Variants in TNFRSF9 observed in about 807,000 individuals in gnomAD.
TNFRSF9 encodes the protein tumor necrosis factor receptor superfamily member 9.
A neutral mutation model predicts 28.8 loss-of-function variants in TNFRSF9; 16 were observed. The ratio of observed to expected loss-of-function variants is 0.55; its 90% confidence interval spans 0.38 to 0.84. The LOEUF is 0.84. TNFRSF9 is among the 40% of genes least tolerant of loss of function. The pLI is 0.00. For synonymous variants in TNFRSF9, 131 were observed against 117.0 expected (o/e 1.12, Z -0.77); for missense variants, 303 against 315.0 (o/e 0.96, Z 0.29).
chr1:7,936,968 G>C (rs1639824416), intron 5 of TNFRSF9, among the ~76,000 whole-genome samples: 1 of 152,162 alleles, frequency 6.6e-6, no homozygotes, highest in Non-Finnish European at 1.5e-5. Context: ...GTATACTATT[G>C]GCTTTTTACC....
intron 7 of TNFRSF9, among the ~76,000 whole-genome samples, chr1:7,927,762 G>A (rs914891982): frequency 2.0e-5 from 3 of 151,048 alleles, no homozygotes; most frequent in East Asian, 1.9e-4. Flanking sequence ...TTGAGACCCA[G>A]GACTCAGTGA....
intron 7 of TNFRSF9, among the ~76,000 whole-genome samples, chr1:7,922,429 A>G (rs1003207380): frequency 6.6e-6 from 1 of 152,184 alleles, no homozygotes; most frequent in Non-Finnish European, 1.5e-5. Context: ...CAACATGGCA[A>G]TGGGTTTCTT....
Position 7,922,569 on chromosome 1 carries a change from T to C in TNFRSF9, c.680-1646A>G, listed in dbSNP as rs1639577898. Among the ~76,000 whole-genome samples, 3 of 152,282 alleles carry C rather than the reference T, an allele frequency of 2.0e-5. No homozygotes were observed. The South Asian group carries it at 6.2e-4, about 32-fold the overall frequency. ...ACTCACATCTGTAATCCCAGCACTT[T>C]GGGAAGCCAAAGCAAGCAGATCATC... On this transcript the variant is annotated intron_variant, in intron 7 of 7. Transcript: ENST00000377507.
rs1639852309 is a variant in TNFRSF9, at chr1:7,938,291, T to C, written c.248A>G (p.Asn83Ser). ...RTRKECSSTS[N>S]AECDCTPGFH... ...CCCTGGAGTGCAGTCACACTCTGCA[T>C]TGCTGGTGGAGGAACACTCCTTCCT... Residue 83 changes from asparagine to serine, a missense_variant, in exon 4 of 8, where the codon AAT (asparagine) becomes AGT (serine). By Grantham distance (46) the Asn-to-Ser change is conservative. Transcript: ENST00000377507. 1 of 1,610,154 alleles carries C rather than the reference T, an allele frequency of 6.2e-7. No homozygotes were observed. Among genetic ancestry groups the C allele is most frequent in the South Asian group, 1.1e-5 (1 of 90,486 alleles).
intron 2 of TNFRSF9, among the ~76,000 whole-genome samples, chr1:7,939,319 CAA>C (rs34622301): frequency 0.026 from 2,709 of 103,984 alleles, 63 homozygotes; most frequent in African/African-American, 0.09. Flanking sequence ...GACTGTGTCT[CAA>C]AAAAAAAAAA....
rs1639877281 is a variant in TNFRSF9 at position 7,939,960 on chromosome 1, A to C, written c.35T>G (p.Leu12Arg). The change falls in exon 2 of 8, where the codon CTG becomes CGG. Residue 12 changes from leucine (L) to arginine (R), a missense_variant. Transcript: ENST00000377507. ...CCTCTCAAAGTTGAGGACCAGCAAC[A>C]GAGTGGCTACTATGTTGTAACAGCT... ...GNSCYNIVAT[L>R]LLVLNFERTR... 2 of 1,605,158 alleles carry C rather than the reference A, an allele frequency of 1.2e-6. No homozygotes were observed. The highest frequency in any genetic ancestry group is 1.7e-6 in the Non-Finnish European group (2 of 1,172,742).
chr1:7,927,106 A>G (rs1236038683), intron 7 of TNFRSF9, among the ~76,000 whole-genome samples: 1 of 152,102 alleles, frequency 6.6e-6, no homozygotes. Flanking sequence ...AAAGCCCGTG[A>G]GACGTGACCA....
intron 7 of TNFRSF9, among the ~76,000 whole-genome samples, chr1:7,929,076 C>T (rs990538856): frequency 1.3e-5 from 2 of 151,790 alleles, no homozygotes; most frequent in African/African-American, 2.4e-5. Context: ...ATACTTCTGC[C>T]GGTATTGATC....
At chr1:7,929,233 T>G (rs533171676) in intron 7 of TNFRSF9, among the ~76,000 whole-genome samples, 82 of 144,082 alleles carry the variant, frequency 5.7e-4, no homozygotes, top group Non-Finnish European at 9.8e-4. Flanking sequence ...GGATGCGATA[T>G]CAGCTCACTG....
At chr1:7,937,025 G>A (rs1246934897) in intron 5 of TNFRSF9, among the ~76,000 whole-genome samples, 4 of 152,216 alleles carry the variant, frequency 2.6e-5, no homozygotes, top group Non-Finnish European at 5.9e-5. Context: ...ATTTTGGAGG[G>A]TAACGAGCAA....
chr1:7,938,439 C>G, intron 3 of TNFRSF9, 109 bp from the exon 4 acceptor site: 1 of 1,216,780 alleles, frequency 8.2e-7, no homozygotes, highest in Non-Finnish European at 1.1e-6. Context: ...TATAGTGTTC[C>G]CAGTAATTTT....
At chr1:7,939,874 A>C (rs1341749412) in intron 2 of TNFRSF9, 21 bp downstream of exon 2, 2 of 1,568,030 alleles carry the variant, frequency 1.3e-6, no homozygotes, top group East Asian at 2.3e-5. Flanking sequence ...GATCAAATGC[A>C]CATGATAACT....
chr1:7,925,162 G>A (rs1026529970), intron 7 of TNFRSF9, among the ~76,000 whole-genome samples: 1 of 152,012 alleles, frequency 6.6e-6, no homozygotes, highest in African/African-American at 2.4e-5. Context: ...ACAAAAATTA[G>A]CCAGGCGTGG....
At chr1:7,923,757 G>C (rs1425382170) in intron 7 of TNFRSF9, among the ~76,000 whole-genome samples, 1 of 152,124 alleles carries the variant, frequency 6.6e-6, no homozygotes, top group Non-Finnish European at 1.5e-5. Flanking sequence ...AGGATCACTT[G>C]AGCCCAGGAA....
intron 2 of TNFRSF9, among the ~76,000 whole-genome samples, chr1:7,939,205 A>C (rs1264762305): frequency 2.0e-5 from 3 of 151,938 alleles, no homozygotes; most frequent in Non-Finnish European, 4.4e-5. Flanking sequence ...CTGTAATCCC[A>C]GCTACTCGGG....
At chr1:7,937,232 T>C (rs1639829147) in intron 5 of TNFRSF9, among the ~76,000 whole-genome samples, 1 of 152,206 alleles carries the variant, frequency 6.6e-6, no homozygotes, top group Admixed American at 6.5e-5. Flanking sequence ...GGTGCGATCA[T>C]AGCTCATTGC....
At chr1:7,923,421 C>T (rs1015266908) in intron 7 of TNFRSF9, among the ~76,000 whole-genome samples, 4 of 152,276 alleles carry the variant, frequency 2.6e-5, no homozygotes, top group Middle Eastern at 3.4e-3. Flanking sequence ...GAGACCCTCA[C>T]CCTCCAGGAG....
intron 7 of TNFRSF9, among the ~76,000 whole-genome samples, chr1:7,922,573 A>G (rs930661280): frequency 5.9e-5 from 9 of 152,182 alleles, no homozygotes; most frequent in African/African-American, 2.2e-4. Flanking sequence ...GCACTTTGGG[A>G]AGCCAAAGCA....
Position 7,938,788 on chromosome 1 carries a change from G to A in TNFRSF9, c.141C>T (p.Pro47=). 1 of 1,613,640 alleles carries A rather than the reference G, an allele frequency of 6.2e-7. No individual in the cohort carries two copies. The highest frequency in any genetic ancestry group is 8.5e-7 in the Non-Finnish European group (1 of 1,179,672). The part of the protein sequence containing the change: ...CDNNRNQICS[P]CPPNSFSSAG... ...CGCTGGAGAAACTATTTGGAGGACA[G>A]GGACTGCAAATCTGATTCCTGTTAT... The change falls in exon 3 of 8, where the codon CCC becomes CCT. Residue 47 remains proline, a synonymous_variant. Transcript: ENST00000377507.
Sources: allele counts gnomAD v4.1 joint callset (sites outside exome capture counted in the v4.1 genomes callset), GRCh38; gene constraint gnomAD v4.1.1; transcripts MANE v1.5; gene names NCBI Gene and HGNC (gene_info 2026-07-23, HGNC 2026-07-21).